The following ITPR1 variants were observed in gnomAD, a reference collection of about 807,000 sequenced individuals.
ITPR1 encodes inositol 1,4,5-trisphosphate-gated calcium channel ITPR1.
In ITPR1, 96 loss-of-function variants were observed where a neutral mutation model predicts 318.4. That is an observed-to-expected ratio of 0.30 (90% CI 0.26 to 0.36). The LOEUF is 0.36. Among genes scored for constraint, ITPR1 ranks in the 10% least tolerant of loss-of-function variants. The pLI is 1.00. For missense variants in ITPR1, 2,440 were observed against 3,460.2 expected, an observed-to-expected ratio of 0.71 and a Z score of 7.40; for synonymous variants, 1,312 against 1,289.9, an observed-to-expected ratio of 1.02 and a Z score of -0.37.
intron 17 of ITPR1, among the ~76,000 whole-genome samples, chr3:4,665,501 C>T (rs2093926941): frequency 6.6e-6 from 1 of 152,182 alleles, no homozygotes; most frequent in South Asian, 2.1e-4. Context: ...GAATTCTCTT[C>T]TGCAGACATC....
chr3:4,781,676 T>C (rs2046847096), intron 49 of ITPR1, among the ~76,000 whole-genome samples: 1 of 152,190 alleles, frequency 6.6e-6, no homozygotes, highest in Admixed American at 6.5e-5. Context: ...CTCTACTTCC[T>C]CATCCACTAA....
At chr3:4,737,919 A>T (rs569563035) in intron 44 of ITPR1, among the ~76,000 whole-genome samples, 9 of 152,290 alleles carry the variant, frequency 5.9e-5, no homozygotes, top group African/African-American at 2.2e-4. Flanking sequence ...TGGGACACGG[A>T]TGGAGCTGGA....
intron 10 of ITPR1, among the ~76,000 whole-genome samples, chr3:4,649,834 G>C (rs1362910300): frequency 6.6e-6 from 1 of 152,212 alleles, no homozygotes; most frequent in African/African-American, 2.4e-5. Flanking sequence ...CAGAAAGAGA[G>C]GGGACTTTCT....
chr3:4,639,327 A>G, intron 5 of ITPR1, 57 bp from the exon 6 acceptor site: 1 of 1,277,456 alleles, frequency 7.8e-7, no homozygotes, highest in Middle Eastern at 1.8e-4. Flanking sequence ...GCGTCACTGC[A>G]GTGGGATAGA....
chr3:4,676,066 G>A (rs1229456246), intron 23 of ITPR1, among the ~76,000 whole-genome samples: 1 of 152,018 alleles, frequency 6.6e-6, no homozygotes, highest in African/African-American at 2.4e-5. Context: ...TTTGGGCAGG[G>A]CATAGTGATT....
chr3:4,552,141 G>A (rs1359328565), intron 4 of ITPR1, among the ~76,000 whole-genome samples: 2 of 152,198 alleles, frequency 1.3e-5, no homozygotes, highest in Non-Finnish European at 2.9e-5. Flanking sequence ...TCACTCAACA[G>A]CAGTCAACAC....
At chr3:4,706,531 A>C (rs1390753808) in intron 37 of ITPR1, among the ~76,000 whole-genome samples, 180 bp downstream of exon 37, 7 of 152,214 alleles carry the variant, frequency 4.6e-5, no homozygotes, top group African/African-American at 1.2e-4. Flanking sequence ...TTAGGAATAG[A>C]AAAGTTCCTG....
intron 4 of ITPR1, among the ~76,000 whole-genome samples, chr3:4,571,145 C>T (rs2087934521): frequency 6.6e-6 from 1 of 152,126 alleles, no homozygotes; most frequent in Non-Finnish European, 1.5e-5. Flanking sequence ...GGGCTGAGTC[C>T]AAAGTCAAGG....
intron 39 of ITPR1, among the ~76,000 whole-genome samples, chr3:4,715,849 T>C (rs2125290196): frequency 6.6e-6 from 1 of 152,232 alleles, no homozygotes; most frequent in South Asian, 2.1e-4. Context: ...CAAGACTCCA[T>C]CTCAAAACAA....
chr3:4,635,126 C>G (rs13315765), intron 5 of ITPR1, among the ~76,000 whole-genome samples: 27,866 of 152,118 alleles, frequency 0.18, 5,534 homozygotes, highest in African/African-American at 0.49. Context: ...TATGGGCAGA[C>G]GTTAGGTAGG....
chr3:4,498,845 C>T (rs1008282392), intron 2 of ITPR1, among the ~76,000 whole-genome samples: 1 of 152,184 alleles, frequency 6.6e-6, no homozygotes, highest in African/African-American at 2.4e-5. Context: ...TATCCAGTGT[C>T]GTTTTAAGAG....
At chr3:4,794,370 C>G (rs1310212847) in intron 52 of ITPR1, among the ~76,000 whole-genome samples, 1 of 152,228 alleles carries the variant, frequency 6.6e-6, no homozygotes. Context: ...GCCACATCCT[C>G]TCTCTGCCAC....
At chr3:4,642,339 G>C (rs942145306) in intron 7 of ITPR1, 88 bp downstream of exon 7, 50 of 1,061,238 alleles carry the variant, frequency 4.7e-5, no homozygotes, top group Middle Eastern at 2.3e-4. Context: ...GACGTTGAAA[G>C]TTGGAACCAG....
chr3:4,559,320 T>C (rs1004663964), intron 4 of ITPR1, among the ~76,000 whole-genome samples: 17 of 152,146 alleles, frequency 1.1e-4, no homozygotes, highest in African/African-American at 4.1e-4. Context: ...TGAATAATAT[T>C]TGATGTTAAA....
chr3:4,732,958 T>C, intron 42 of ITPR1, 130 bp from the exon 43 acceptor site: 1 of 889,898 alleles, frequency 1.1e-6, no homozygotes, highest in South Asian at 1.5e-5. Context: ...AATGCTTCCA[T>C]GAATAATTTA....
intron 5 of ITPR1, among the ~76,000 whole-genome samples, chr3:4,633,084 G>T (rs924821482): frequency 5.3e-5 from 8 of 151,880 alleles, no homozygotes; most frequent in Non-Finnish European, 1.0e-4. Flanking sequence ...GACTTCAGGG[G>T]TGCGTCACCA....
At position 4,815,049 on chromosome 3, in the gene ITPR1, C is replaced by T; in HGVS notation, c.7702-4C>T. The T allele has an allele frequency of 1.2e-6, 2 of 1,605,928 alleles. No individual in the cohort carries two copies. The highest frequency in any genetic ancestry group is 1.7e-6 in the Non-Finnish European group (2 of 1,174,892). On this transcript the variant is annotated splice_region_variant and splice_polypyrimidine_tract_variant and intron_variant, in intron 58 of 61. Coordinates refer to ENST00000649015, the MANE Select transcript of ITPR1 (RefSeq NM_001378452.1). ...AGACTGATCCAGACACCTCTCTTTT[C>T]CAGGAACCCCTGTTTGCTGCTAGAG...
At chr3:4,516,442 C>A in intron 2 of ITPR1, 34 bp from the exon 3 acceptor site, 1 of 1,150,024 alleles carries the variant, frequency 8.7e-7, no homozygotes, top group Non-Finnish European at 1.2e-6. Flanking sequence ...CATTTCTTTT[C>A]TTCTAACAAT....
intron 4 of ITPR1, among the ~76,000 whole-genome samples, chr3:4,525,046 C>T (rs771048465): frequency 2.0e-5 from 3 of 152,016 alleles, no homozygotes; most frequent in Non-Finnish European, 4.4e-5. Context: ...ACTTGTAAAT[C>T]TCATGTTTAA....
Sources: gnomAD v4.1 joint callset for allele counts (sites outside exome capture counted in the v4.1 genomes callset) on GRCh38, gnomAD v4.1.1 for gene constraint, MANE v1.5 for transcripts, NCBI Gene and HGNC (gene_info 2026-07-23, HGNC 2026-07-21) for gene names.